MAST4: variants seen among roughly 807,000 people sequenced by gnomAD.
MAST4 encodes microtubule-associated serine/threonine-protein kinase 4.
Under a neutral mutation model 162.7 loss-of-function variants are expected in MAST4, and 89 were observed. The ratio of observed to expected loss-of-function variants is 0.55; its 90% CI spans 0.46 to 0.65. The LOEUF is 0.65. MAST4 is among the 30% of genes least tolerant of loss of function. The pLI is 0.00. For synonymous variants in MAST4, 1,479 were observed against 1,361.1 expected, an observed-to-expected ratio of 1.09 and a Z score of -1.91; for missense variants, 3,153 against 3,374.0, an observed-to-expected ratio of 0.93 and a Z score of 1.62.
At chr5:66,792,066 G>T (rs1393993387) in intron 3 of MAST4, 1 of 156,572 alleles carries the variant, frequency 6.4e-6, no homozygotes, top group East Asian at 1.9e-4. Context: ...GCCTCATTTA[G>T]ATTGGATTAT....
At chr5:66,976,095 G>A (rs1354645216) in intron 4 of MAST4, among the ~76,000 whole-genome samples, 1 of 152,212 alleles carries the variant, frequency 6.6e-6, no homozygotes, top group Non-Finnish European at 1.5e-5. Flanking sequence ...TTGCCATGTA[G>A]TTGACAGCAC....
chr5:66,998,233 G>T (rs888701606), intron 4 of MAST4, among the ~76,000 whole-genome samples: 1 of 152,170 alleles, frequency 6.6e-6, no homozygotes, highest in Non-Finnish European at 1.5e-5. Context: ...ATGCTCAAGA[G>T]CTGTATAAGA....
intron 4 of MAST4, among the ~76,000 whole-genome samples, chr5:66,970,987 C>T (rs1747360338): frequency 6.6e-6 from 1 of 152,200 alleles, no homozygotes. Context: ...CAGATTATGC[C>T]CTCTTCCCAA....
intron 3 of MAST4, among the ~76,000 whole-genome samples, chr5:66,794,909 C>T (rs1470067380): frequency 6.6e-6 from 1 of 152,034 alleles, no homozygotes; most frequent in Non-Finnish European, 1.5e-5. Context: ...TCATCTTTTC[C>T]ATTTGCAAAA....
chr5:67,124,388 G>A (rs1031888619), intron 14 of MAST4, among the ~76,000 whole-genome samples: 1 of 152,114 alleles, frequency 6.6e-6, no homozygotes, highest in South Asian at 2.1e-4. Context: ...TCTGGCTGTC[G>A]GTGGCTGTCA....
intron 4 of MAST4, among the ~76,000 whole-genome samples, chr5:67,047,664 A>G (rs181092781): frequency 6.6e-6 from 1 of 152,212 alleles, no homozygotes; most frequent in Non-Finnish European, 1.5e-5. Flanking sequence ...TTGTTTGTTT[A>G]GAATAGTGCC....
chr5:66,616,099 A>C (rs1016974811), intron 1 of MAST4, among the ~76,000 whole-genome samples: 1 of 152,230 alleles, frequency 6.6e-6, no homozygotes, highest in African/African-American at 2.4e-5. Context: ...TGAACAAATA[A>C]ATGCACAGAG....
intron 4 of MAST4, among the ~76,000 whole-genome samples, chr5:67,010,748 C>G (rs764056561): frequency 6.6e-6 from 1 of 152,096 alleles, no homozygotes; most frequent in Non-Finnish European, 1.5e-5. Flanking sequence ...ATGGTCAACA[C>G]CCCCAGCACT....
chr5:67,166,147 T>G lies in MAST4; in HGVS notation c.6968T>G (p.Val2323Gly). 6.3e-7 allele frequency: 1 copy of G among 1,580,314 alleles called. No homozygotes were observed. Among genetic ancestry groups the G allele is most frequent in the Non-Finnish European group, 8.6e-7 (1 of 1,162,414 alleles). ...CCAGCGGACCAGAAACTGTCCGCTG[T>G]TGGTGAAAAGCAAACCCTGTCTCCA... ...SEPADQKLSA[V>G]GEKQTLSPKH... Residue 2323 changes from valine (V) to glycine (G), a missense_variant, in exon 29 of 29, where the codon GTT (valine) becomes GGT (glycine). Val to Gly is a moderately radical substitution (Grantham distance 109). Coordinates refer to ENST00000403625, the MANE Select transcript of MAST4 (RefSeq NM_001164664.2).
At chr5:67,031,754 C>G (rs781406896) in intron 4 of MAST4, among the ~76,000 whole-genome samples, 1 of 152,166 alleles carries the variant, frequency 6.6e-6, no homozygotes, top group African/African-American at 2.4e-5. Flanking sequence ...AGATGGGGGA[C>G]TTCTCTGAAG....
chr5:67,001,197 G>A (rs1387808841), intron 4 of MAST4, among the ~76,000 whole-genome samples: 1 of 152,174 alleles, frequency 6.6e-6, no homozygotes, highest in East Asian at 1.9e-4. Flanking sequence ...GAAAATGTCA[G>A]TAGTTTTGAC....
At chr5:67,082,235 G>GC (rs948507472) in intron 5 of MAST4, among the ~76,000 whole-genome samples, 5 of 142,664 alleles carry the variant, frequency 3.5e-5, no homozygotes, top group African/African-American at 7.9e-5. Context: ...TGCAACTTCT[G>GC]CCCCCGGGGT....
At chr5:67,078,935 T>TATATATATAATATATATATATATATATA (rs1762252538) in intron 5 of MAST4, among the ~76,000 whole-genome samples, 1 of 95,876 alleles carries the variant, frequency 1.0e-5, no homozygotes, top group African/African-American at 4.7e-5. Context: ...TATATATATA[T>TATATATATAATATATATATATATATATA]ATATATATAT....
Position 66,788,671 on chromosome 5 carries a change from G to A in MAST4, c.519G>A (p.Gly173=), listed in dbSNP as rs984348197. The change falls in exon 3 of 29, where the codon GGG becomes GGA. Residue 173 remains glycine (G), a splice_region_variant and synonymous_variant. Coordinates refer to ENST00000403625, the MANE Select transcript of MAST4 (RefSeq NM_001164664.2). ...RRGSLGGALT[G]RYLLPNPVAG... is the part of the protein sequence containing the mutation. Reference sequence around the variant, plus strand: ...TTTTCTTCTCTTTAACTCCAACAGGGAGGTACCTTCTTCCAAACCCGGTGG... The same window carrying A: ...TTTTCTTCTCTTTAACTCCAACAGGAAGGTACCTTCTTCCAAACCCGGTGG... The A allele has an allele frequency of 3.1e-6, 5 of 1,598,532 alleles. No homozygotes were observed. Among genetic ancestry groups the A allele is most frequent in the Admixed American group, 1.7e-5 (1 of 59,100 alleles).
intron 1 of MAST4, among the ~76,000 whole-genome samples, chr5:66,662,054 A>T (rs1401968913): frequency 6.6e-6 from 1 of 152,012 alleles, no homozygotes; most frequent in African/African-American, 2.4e-5. Flanking sequence ...TGTGCCCAGT[A>T]TTCAGTGTAC....
intron 1 of MAST4, among the ~76,000 whole-genome samples, chr5:66,617,521 T>C (rs1415357361): frequency 6.6e-6 from 1 of 152,116 alleles, no homozygotes; most frequent in African/African-American, 2.4e-5. Context: ...GACGTATCAA[T>C]TTATTAACAG....
intron 4 of MAST4, among the ~76,000 whole-genome samples, chr5:66,904,744 A>C (rs1728054138): frequency 6.6e-6 from 1 of 152,176 alleles, no homozygotes; most frequent in African/African-American, 2.4e-5. Flanking sequence ...ATTTTTATTT[A>C]AAAAATTTTT....
intron 4 of MAST4, among the ~76,000 whole-genome samples, chr5:66,979,949 G>A (rs1415163751): frequency 6.6e-6 from 1 of 152,182 alleles, no homozygotes; most frequent in Non-Finnish European, 1.5e-5. Context: ...GAACAATTCT[G>A]AATGATGTCA....
chr5:66,665,427 A>C (rs1361116797), intron 1 of MAST4, among the ~76,000 whole-genome samples: 1 of 152,222 alleles, frequency 6.6e-6, no homozygotes, highest in African/African-American at 2.4e-5. Flanking sequence ...TTAAATAATT[A>C]ATGACAAAAG....
Sources: gnomAD v4.1 joint callset for allele counts (sites outside exome capture counted in the v4.1 genomes callset) on GRCh38, gnomAD v4.1.1 for gene constraint, MANE v1.5 for transcripts, NCBI Gene and HGNC (gene_info 2026-07-23, HGNC 2026-07-21) for gene names.